Variants in IL1RAPL1 observed in about 807,000 individuals in gnomAD.
The protein encoded by IL1RAPL1 is interleukin-1 receptor accessory protein-like 1.
In IL1RAPL1, 3 loss-of-function variants were observed where a neutral mutation model predicts 48.4. The ratio of observed to expected loss-of-function variants is 0.06; its 90% CI spans 0.03 to 0.16. IL1RAPL1 has a LOEUF of 0.16. IL1RAPL1 is among the 10% of genes least tolerant of loss of function. IL1RAPL1 has a pLI of 1.00. For synonymous variants in IL1RAPL1, 185 were observed against 187.7 expected, an observed-to-expected ratio of 0.99 and a Z score of 0.12; for missense variants, 349 against 530.6, an observed-to-expected ratio of 0.66 and a Z score of 3.36.
At chrX:29,918,886 TTAA>T (rs778489778) in intron 7 of IL1RAPL1, among the ~76,000 whole-genome samples, 1 of 112,130 alleles carries the variant, frequency 8.9e-6, no homozygotes, top group African/African-American at 3.2e-5. Flanking sequence ...TGCAAGAACG[TTAA>T]TAATAATAAG....
intron 6 of IL1RAPL1, among the ~76,000 whole-genome samples, chrX:29,706,717 A>G (rs1273493175): frequency 1.8e-5 from 2 of 111,849 alleles, no homozygotes; most frequent in Non-Finnish European, 3.8e-5. Flanking sequence ...CTATTTAACA[A>G]ATGGTGCTGG....
At chrX:29,852,056 A>G (rs1429614615) in intron 6 of IL1RAPL1, among the ~76,000 whole-genome samples, 1 of 112,699 alleles carries the variant, frequency 8.9e-6, no homozygotes, top group East Asian at 2.8e-4. Context: ...CCATAGGCCC[A>G]GGGGCCACTC....
At chrX:28,874,409 C>T (rs766085751) in intron 2 of IL1RAPL1, among the ~76,000 whole-genome samples, 2 of 111,837 alleles carry the variant, frequency 1.8e-5, no homozygotes, top group Non-Finnish European at 3.8e-5. Context: ...ACAGCTATTG[C>T]CTTCATAAAT....
chrX:29,636,688 A>G (rs906034026), intron 5 of IL1RAPL1, among the ~76,000 whole-genome samples: 10 of 111,589 alleles, frequency 9.0e-5, no homozygotes, highest in Non-Finnish European at 1.3e-4. Context: ...CTTCTTGTCC[A>G]TGTGTACTAT....
chrX:29,191,785 C>T (rs1445945483), intron 2 of IL1RAPL1, among the ~76,000 whole-genome samples: 1 of 111,613 alleles, frequency 9.0e-6, no homozygotes, highest in African/African-American at 3.3e-5. Flanking sequence ...ATAAAAGTAC[C>T]TCCATTTCAG....
chrX:29,633,468 T>TATATACACACAC lies in IL1RAPL1; in HGVS notation c.704-34961_704-34960insTATACACACACA, dbSNP rs762146549. On this transcript the variant is annotated intron_variant, in intron 5 of 10. Coordinates refer to ENST00000378993, the MANE Select transcript of IL1RAPL1 (RefSeq NM_014271.4). Reference sequence around the variant, plus strand: ...TTGTGACAATTTATCGATATATATATACACACACACACACACACACACACA... The same window carrying TATATACACACAC: ...TTGTGACAATTTATCGATATATATATATATACACACACACACACACACACACACACACACACA... 2.6e-3 allele frequency among the ~76,000 whole-genome samples: 252 copies of TATATACACACAC among 97,732 alleles called. 1 individual carries two copies. The highest frequency in any genetic ancestry group is 9.3e-3 in the African/African-American group (246 of 26,541). The allele number at this position is 97,732 out of a possible 115,157, so 84.9% of individuals were successfully genotyped here. A position where few individuals can be genotyped will look rare whatever the true frequency, so the allele number is the denominator to read the frequency against.
intron 2 of IL1RAPL1, among the ~76,000 whole-genome samples, chrX:29,182,939 C>T (rs183780063): frequency 2.7e-5 from 3 of 110,803 alleles, no homozygotes; most frequent in East Asian, 2.8e-4. Flanking sequence ...TGAAGTGATG[C>T]GGGACCATGA....
chrX:29,559,910 A>G (rs1212876610), intron 5 of IL1RAPL1, among the ~76,000 whole-genome samples: 2 of 111,573 alleles, frequency 1.8e-5, no homozygotes, highest in East Asian at 5.6e-4. Context: ...TTTAACTTTT[A>G]TATTGGAGTT....
At chrX:28,782,240 C>T (rs1936430778) in intron 1 of IL1RAPL1, among the ~76,000 whole-genome samples, 1 of 111,525 alleles carries the variant, frequency 9.0e-6, no homozygotes. Flanking sequence ...TGACTTTTAA[C>T]TTTCCCTATA....
At chrX:28,591,692 T>C (rs1354339810) in intron 1 of IL1RAPL1, among the ~76,000 whole-genome samples, 1 of 111,086 alleles carries the variant, frequency 9.0e-6, no homozygotes, top group African/African-American at 3.3e-5. Context: ...ATCGGGAATC[T>C]CAAAGAGGAG....
chrX:29,801,163 A>ATATCTCTT (rs1401978118), intron 6 of IL1RAPL1, among the ~76,000 whole-genome samples: 4 of 108,273 alleles, frequency 3.7e-5, no homozygotes, highest in African/African-American at 1.3e-4. Flanking sequence ...TATTTCCAAA[A>ATATCTCTT]TATCTCTTCA....
intron 5 of IL1RAPL1, among the ~76,000 whole-genome samples, chrX:29,491,831 T>G (rs1322521703): frequency 9.0e-6 from 1 of 111,271 alleles, no homozygotes; most frequent in Admixed American, 9.6e-5. Context: ...GTCTGTATCC[T>G]GTCTATCACC....
chrX:28,976,431 A>G (rs1226855498), intron 2 of IL1RAPL1, among the ~76,000 whole-genome samples: 3 of 111,964 alleles, frequency 2.7e-5, no homozygotes, highest in Admixed American at 1.9e-4. Flanking sequence ...TATGAATCCA[A>G]GATTTTTGTT....
intron 1 of IL1RAPL1, among the ~76,000 whole-genome samples, chrX:28,779,496 A>T (rs1936393740): frequency 9.3e-6 from 1 of 107,382 alleles, no homozygotes; most frequent in Admixed American, 1.0e-4. Flanking sequence ...CTCTGACTAG[A>T]ATACGAAATC....
intron 2 of IL1RAPL1, among the ~76,000 whole-genome samples, chrX:29,048,379 A>G (rs761327848): frequency 2.7e-5 from 3 of 112,065 alleles, no homozygotes; most frequent in East Asian, 2.8e-4. Context: ...ACTTATTTCA[A>G]TGATAATTAC....
At chrX:29,592,185 A>G (rs1048708731) in intron 5 of IL1RAPL1, among the ~76,000 whole-genome samples, 2 of 111,962 alleles carry the variant, frequency 1.8e-5, no homozygotes, top group African/African-American at 6.5e-5. Context: ...TAGAATATAT[A>G]TATATATCTT....
At chrX:29,412,399 T>C (rs1934156319) in intron 5 of IL1RAPL1, among the ~76,000 whole-genome samples, 1 of 112,476 alleles carries the variant, frequency 8.9e-6, no homozygotes, top group Admixed American at 9.5e-5. Flanking sequence ...TAGACTGGAT[T>C]GAGATATTTT....
intron 2 of IL1RAPL1, among the ~76,000 whole-genome samples, chrX:29,150,921 CAAAAAAA>C (rs757072950): frequency 6.9e-5 from 3 of 43,755 alleles, no homozygotes; most frequent in South Asian, 2.2e-3. Flanking sequence ...GACTCCATCT[CAAAAAAA>C]AAAAAAAAGA....
At chrX:28,752,396 A>T (rs774746057) in intron 1 of IL1RAPL1, among the ~76,000 whole-genome samples, 1 of 112,119 alleles carries the variant, frequency 8.9e-6, no homozygotes, top group South Asian at 3.7e-4. Flanking sequence ...ACAAAGAATT[A>T]AGTGCTTTAC....
Sources: allele counts gnomAD v4.1 joint callset (sites outside exome capture counted in the v4.1 genomes callset), GRCh38; gene constraint gnomAD v4.1.1; transcripts MANE v1.5; gene names NCBI Gene and HGNC (gene_info 2026-07-23, HGNC 2026-07-21).